Variants in AZI2 observed in about 807,000 individuals in gnomAD.
AZI2 encodes 5-azacytidine induced 2, also known as 5-azacytidine-induced protein 2.
A neutral mutation model predicts 45.8 loss-of-function variants in AZI2; 22 were observed. The observed-to-expected ratio is 0.48, with a 90% CI of 0.34 to 0.69. AZI2 has a LOEUF of 0.69. AZI2 is among the 30% of genes least tolerant of loss of function. AZI2 has a pLI of 0.01. For synonymous variants in AZI2, 137 were observed against 156.7 expected, an observed-to-expected ratio of 0.87 and a Z score of 0.94; for missense variants, 417 against 441.5, an observed-to-expected ratio of 0.94 and a Z score of 0.50.
intron 1 of AZI2, among the ~76,000 whole-genome samples, chr3:28,345,424 T>C (rs1446759318): frequency 6.6e-6 from 1 of 152,138 alleles, no homozygotes; most frequent in Admixed American, 6.5e-5. Context: ...ATAAAGCACA[T>C]TTATAGGCAA....
intron 5 of AZI2, among the ~76,000 whole-genome samples, chr3:28,334,932 G>C (rs1703728957): frequency 1.3e-5 from 2 of 151,884 alleles, no homozygotes; most frequent in Admixed American, 1.3e-4. Flanking sequence ...AGTAATGTTT[G>C]ATCAGGAGCA....
chr3:28,331,167 A>C (rs1332759785), intron 6 of AZI2, among the ~76,000 whole-genome samples: 3 of 151,390 alleles, frequency 2.0e-5, no homozygotes, highest in Non-Finnish European at 4.4e-5. Context: ...CACATGCTTC[A>C]AATGTACTAT....
intron 6 of AZI2, among the ~76,000 whole-genome samples, 180 bp downstream of exon 6, chr3:28,332,189 G>A (rs1166395828): frequency 1.3e-5 from 2 of 151,648 alleles, no homozygotes; most frequent in African/African-American, 2.4e-5. Context: ...TAAATTCAAA[G>A]CTGTTATTAA....
At chr3:28,337,868 T>G in intron 4 of AZI2, 69 bp downstream of exon 4, 1 of 1,002,628 alleles carries the variant, frequency 1.0e-6, no homozygotes, top group Non-Finnish European at 1.4e-6. Flanking sequence ...CAGAAAACTG[T>G]TGATATTACA....
chr3:28,324,231 A>G lies in AZI2; in HGVS notation c.990T>C (p.Gly330=), dbSNP rs761261914. 22 of 1,610,332 alleles carry G rather than the reference A, an allele frequency of 1.4e-5. No individual in the cohort carries two copies. In the Admixed American group the frequency reaches 3.7e-4, roughly 27 times the overall value. The change falls in exon 8 of 8, where the codon GGT becomes GGC. Residue 330 remains glycine, a synonymous_variant. Coordinates refer to ENST00000479665, the MANE Select transcript of AZI2 (RefSeq NM_022461.5). ...TDNERSIPND[G]TCFQEHSSYG... Reference sequence around the variant, plus strand: ...AAGAACTGTGTTCCTGAAAGCATGTACCATCATTAGGAATGGATCTCTCAT... The same window carrying G: ...AAGAACTGTGTTCCTGAAAGCATGTGCCATCATTAGGAATGGATCTCTCAT...
chr3:28,324,530 T>C, intron 7 of AZI2, 76 bp from the exon 8 acceptor site: 1 of 1,288,006 alleles, frequency 7.8e-7, no homozygotes, highest in Non-Finnish European at 1.0e-6. Context: ...CTTCACCAAT[T>C]TGAATTCTAG....
chr3:28,335,119 A>G (rs1353290239), intron 5 of AZI2, among the ~76,000 whole-genome samples: 1 of 152,012 alleles, frequency 6.6e-6, no homozygotes, highest in Non-Finnish European at 1.5e-5. Flanking sequence ...AACCTTCATG[A>G]AAAAAGGTAT....
At chr3:28,333,841 A>T (rs1703682734) in intron 5 of AZI2, among the ~76,000 whole-genome samples, 1 of 151,718 alleles carries the variant, frequency 6.6e-6, no homozygotes, top group African/African-American at 2.4e-5. Flanking sequence ...TGTTCAAGTT[A>T]TATAGGTTTC....
Position 28,321,807 on chromosome 3 carries a change from A to G in AZI2, c.*2235T>C, listed in dbSNP as rs1322583699. The stretch of plus-strand genomic sequence containing the variant: ...GGCAGCAACTCAGTAAGTCTTACAG[A>G]TGTAAATTTTACTTTAGCTAATAAG... On this transcript the variant is annotated 3_prime_UTR_variant, in exon 8 of 8. Coordinates refer to ENST00000479665, the MANE Select transcript of AZI2 (RefSeq NM_022461.5). 1 of 151,380 alleles carries G rather than the reference A, an allele frequency of 6.6e-6. No individual in the cohort carries two copies. Among genetic ancestry groups the G allele is most frequent in the South Asian group, 2.1e-4 (1 of 4,830 alleles). 9.4% of individuals were successfully genotyped at this position (151,380 alleles called of 1,614,324 possible).
chr3:28,337,321 T>C (rs1424022604), intron 4 of AZI2, among the ~76,000 whole-genome samples: 1 of 151,970 alleles, frequency 6.6e-6, no homozygotes, highest in African/African-American at 2.4e-5. Context: ...ATAAACTGGA[T>C]ACTGCTTTAT....
chr3:28,327,640 T>G (rs1703433313), intron 6 of AZI2, among the ~76,000 whole-genome samples: 1 of 151,024 alleles, frequency 6.6e-6, no homozygotes, highest in African/African-American at 2.4e-5. Context: ...TAAAAGTATT[T>G]TACCTCAATT....
intron 1 of AZI2, among the ~76,000 whole-genome samples, chr3:28,348,001 TAG>T (rs1417389944): frequency 6.6e-6 from 1 of 152,230 alleles, no homozygotes; most frequent in Non-Finnish European, 1.5e-5. Flanking sequence ...TGATTTGTAC[TAG>T]AGTTTTCGTG....
intron 6 of AZI2, chr3:28,331,740 C>A (rs1703581165): frequency 7.0e-7 from 1 of 1,428,540 alleles, no homozygotes; most frequent in Non-Finnish European, 9.2e-7. Flanking sequence ...GAGAGGCTAT[C>A]TTAACATAGT....
intron 2 of AZI2, among the ~76,000 whole-genome samples, chr3:28,338,966 C>T (rs1703906464): frequency 6.6e-6 from 1 of 151,676 alleles, no homozygotes; most frequent in Non-Finnish European, 1.5e-5. Context: ...AAAAGCAGCA[C>T]CTTAGGGCAT....
At chr3:28,329,752 T>G (rs1260488825) in intron 6 of AZI2, among the ~76,000 whole-genome samples, 2 of 151,256 alleles carry the variant, frequency 1.3e-5, no homozygotes, top group Non-Finnish European at 3.0e-5. Context: ...CTTAAAAGTG[T>G]GTATTTTGAC....
At position 28,333,231 on chromosome 3, in the gene AZI2, C is replaced by T. The variant is rs753916965; in HGVS notation, c.589-804G>A. On this transcript the variant is annotated intron_variant, in intron 5 of 7. Coordinates refer to ENST00000479665, the MANE Select transcript of AZI2 (RefSeq NM_022461.5). Reference sequence around the variant, plus strand: ...TGCAGTGAAACATTAAAAAGCAACACAAGGACTTCATGAGTACTCTCAACT... The same window carrying T: ...TGCAGTGAAACATTAAAAAGCAACATAAGGACTTCATGAGTACTCTCAACT... 4.8e-4 allele frequency among the ~76,000 whole-genome samples: 73 copies of T among 151,804 alleles called. 1 individual carries two copies. Among genetic ancestry groups the T allele is most frequent in the South Asian group, 1.2e-3 (6 of 4,820 alleles).
intron 1 of AZI2, among the ~76,000 whole-genome samples, chr3:28,345,338 C>A (rs1704181448): frequency 6.6e-6 from 1 of 151,998 alleles, no homozygotes; most frequent in African/African-American, 2.4e-5. Flanking sequence ...TAGTAAACAC[C>A]CTTTAGATTT....
intron 4 of AZI2, 115 bp from the exon 5 acceptor site, chr3:28,337,000 ATATGATCAATAG>A (rs1317890511): frequency 1.0e-6 from 1 of 989,110 alleles, no homozygotes; most frequent in African/African-American, 1.6e-5. Flanking sequence ...CATAAAACAT[ATATGATCAATAG>A]TTTTTTAAAA....
chr3:28,347,451 G>C (rs1704293898), intron 1 of AZI2, among the ~76,000 whole-genome samples: 1 of 152,272 alleles, frequency 6.6e-6, no homozygotes, highest in Non-Finnish European at 1.5e-5. Context: ...AGAAAGTAGG[G>C]GAGCCAGAAA....
Sources: allele counts gnomAD v4.1 joint callset (sites outside exome capture counted in the v4.1 genomes callset), GRCh38; gene constraint gnomAD v4.1.1; transcripts MANE v1.5; gene names NCBI Gene and HGNC (gene_info 2026-07-23, HGNC 2026-07-21).